Variants in DIP2C observed in about 807,000 individuals in gnomAD.
DIP2C encodes DIP2 acetate--CoA ligase C (putative), also known as disco-interacting protein 2 homolog C.
DIP2C carries 33 observed loss-of-function variants against 192.4 expected under a neutral mutation model. That is an observed-to-expected ratio of 0.17 (90% confidence interval 0.13 to 0.23). The LOEUF (loss-of-function observed/expected upper bound fraction) is 0.23, where lower values mean the gene tolerates loss of function less well. Ranked by LOEUF, DIP2C falls within the 10% of genes least tolerant of loss-of-function variation. The pLI, the probability that DIP2C is intolerant of heterozygous loss-of-function variation, is 1.00. For missense variants in DIP2C, 1,537 were observed against 2,110.1 expected (o/e 0.73, Z 5.32); for synonymous variants, 979 against 864.1 (o/e 1.13, Z -2.33).
At chr10:599,302 A>C (rs754656548) in intron 1 of DIP2C, among the ~76,000 whole-genome samples, 1 of 152,198 alleles carries the variant, frequency 6.6e-6, no homozygotes, top group Non-Finnish European at 1.5e-5. Context: ...ACCCGGCAAA[A>C]ACACGTTACA....
chr10:384,168 A>C, intron 15 of DIP2C, 22 bp from the exon 16 acceptor site: 1 of 1,610,354 alleles, frequency 6.2e-7, no homozygotes, highest in Non-Finnish European at 8.5e-7. Context: ...AATAGAAATA[A>C]GTTAACATGT....
intron 1 of DIP2C, among the ~76,000 whole-genome samples, chr10:559,409 C>T (rs1849080894): frequency 6.6e-6 from 1 of 152,024 alleles, no homozygotes; most frequent in African/African-American, 2.4e-5. Flanking sequence ...CCACAGGGGT[C>T]TTTTGTTGTT....
At chr10:457,466 T>G (rs1260070785) in intron 3 of DIP2C, among the ~76,000 whole-genome samples, 1 of 152,252 alleles carries the variant, frequency 6.6e-6, no homozygotes, top group Non-Finnish European at 1.5e-5. Flanking sequence ...CCCAATCCAA[T>G]GAAACCAATC....
chr10:523,783 C>T (rs1258428748), intron 1 of DIP2C, among the ~76,000 whole-genome samples: 6 of 143,756 alleles, frequency 4.2e-5, no homozygotes, highest in South Asian at 2.3e-4. Flanking sequence ...TTCCACCTGA[C>T]GCAAAGGACC....
chr10:356,362 C>T lies in DIP2C; in HGVS notation c.2985+64G>A, dbSNP rs768937184. 79 of 1,566,316 alleles carry T rather than the reference C, an allele frequency of 5.0e-5. 1 individual carries two copies. In the Admixed American group the frequency reaches 7.8e-4, roughly 16 times the overall value. On this transcript the variant is annotated intron_variant, in intron 24 of 36. Transcript: ENST00000280886. Reference sequence around the variant, plus strand: ...GGATTCAAAGAAAGAAGCAGGAGCGCTCCCAGGAACCAGGCTAGGCCCCTT... The same window carrying T: ...GGATTCAAAGAAAGAAGCAGGAGCGTTCCCAGGAACCAGGCTAGGCCCCTT...
intron 3 of DIP2C, among the ~76,000 whole-genome samples, chr10:453,008 C>T (rs7086242): frequency 0.16 from 23,692 of 152,172 alleles, 4,731 homozygotes; most frequent in African/African-American, 0.47. Context: ...AGAACAAAGA[C>T]GTTTACAGAG....
chr10:340,002 G>A (rs1958065415), intron 29 of DIP2C, among the ~76,000 whole-genome samples: 1 of 152,098 alleles, frequency 6.6e-6, no homozygotes, highest in Non-Finnish European at 1.5e-5. Context: ...CCAACATGGT[G>A]AAACCTTGTC....
In DIP2C at chr10:619,511, T is replaced by TGCCAGGGCCAGGGCCAGGGCCAGG. The variant is rs370197577; in HGVS notation, c.85+69982_85+69983insCCTGGCCCTGGCCCTGGCCCTGGC. On this transcript the variant is annotated intron_variant, in intron 1 of 36. Coordinates refer to ENST00000280886, the MANE Select transcript of DIP2C (RefSeq NM_014974.3). ...CAGAATATCGGGAGCACAGGCTTTA[T>TGCCAGGGCCAGGGCCAGGGCCAGG]GCCAGGGCCAGGACCAAGCCCGCCC... 1.1e-3 allele frequency among the ~76,000 whole-genome samples: 137 copies of TGCCAGGGCCAGGGCCAGGGCCAGG among 119,260 alleles called. 1 individual carries two copies. Among genetic ancestry groups the TGCCAGGGCCAGGGCCAGGGCCAGG allele is most frequent in the African/African-American group, 4.1e-3 (115 of 28,282 alleles). The allele number at this position is 119,260 out of a possible 152,430, so 78.2% of individuals were successfully genotyped here.
intron 15 of DIP2C, 135 bp downstream of exon 15, chr10:384,411 T>C (rs1962687474): frequency 3.1e-6 from 3 of 953,892 alleles, no homozygotes; most frequent in South Asian, 1.6e-5. Flanking sequence ...CTAATTTTTG[T>C]ATTATTAGTA....
intron 17 of DIP2C, among the ~76,000 whole-genome samples, chr10:377,141 GTTTT>G (rs5782549): frequency 2.9e-5 from 4 of 138,650 alleles, no homozygotes; most frequent in African/African-American, 5.3e-5. Flanking sequence ...GTGCAGCGCA[GTTTT>G]TTTTTTTTTT....
At chr10:565,972 G>GCA (rs903626665) in intron 1 of DIP2C, among the ~76,000 whole-genome samples, 4 of 152,204 alleles carry the variant, frequency 2.6e-5, no homozygotes, top group African/African-American at 4.8e-5. Flanking sequence ...GCTGGAGGCA[G>GCA]CACCTTGGAC....
intron 1 of DIP2C, among the ~76,000 whole-genome samples, chr10:564,514 G>T: frequency 6.6e-6 from 1 of 152,150 alleles, no homozygotes; most frequent in South Asian, 2.1e-4. Context: ...AGTAGCTGAG[G>T]GCCAAGCGCA....
intron 1 of DIP2C, among the ~76,000 whole-genome samples, chr10:617,573 C>T (rs1588614169): frequency 6.6e-6 from 1 of 152,258 alleles, no homozygotes; most frequent in East Asian, 1.9e-4. Context: ...ACTCCACCCA[C>T]CTCCCATTGC....
intron 4 of DIP2C, among the ~76,000 whole-genome samples, chr10:427,591 G>GACAA (rs375941894): frequency 3.4e-3 from 1 of 292 alleles, no homozygotes; most frequent in Non-Finnish European, 0.083. Context: ...AAAAAATCTG[G>GACAA]ACATTTTACC....
At chr10:308,729 GCCA>G (rs1956443250) in intron 32 of DIP2C, among the ~76,000 whole-genome samples, 1 of 152,206 alleles carries the variant, frequency 6.6e-6, no homozygotes, top group African/African-American at 2.4e-5. Flanking sequence ...CTCCTACGTG[GCCA>G]CCACTCTTCT....
intron 1 of DIP2C, among the ~76,000 whole-genome samples, chr10:624,207 G>A (rs1419147950): frequency 6.6e-6 from 1 of 152,226 alleles, no homozygotes; most frequent in Non-Finnish European, 1.5e-5. Context: ...GTCCCAAGCG[G>A]GGAAGGCCTG....
intron 4 of DIP2C, among the ~76,000 whole-genome samples, chr10:429,078 G>A (rs1482812820): frequency 2.0e-5 from 3 of 152,038 alleles, no homozygotes; most frequent in Admixed American, 6.5e-5. Flanking sequence ...GTTCACATCA[G>A]GGTTCATTCT....
At chr10:318,129 T>G (rs529387435) in intron 31 of DIP2C, among the ~76,000 whole-genome samples, 3 of 152,098 alleles carry the variant, frequency 2.0e-5, no homozygotes, top group African/African-American at 7.2e-5. Flanking sequence ...GAGAACACAG[T>G]GATGCTGGAT....
chr10:667,794 AAAAC>A (rs1857191904), intron 1 of DIP2C: 1 of 152,256 alleles, frequency 6.6e-6, no homozygotes, highest in African/African-American at 2.4e-5. Flanking sequence ...ACACTCATAC[AAAAC>A]AACATACACA....
Sources: gnomAD v4.1 joint callset for allele counts (sites outside exome capture counted in the v4.1 genomes callset) on GRCh38, gnomAD v4.1.1 for gene constraint, MANE v1.5 for transcripts, NCBI Gene and HGNC (gene_info 2026-07-23, HGNC 2026-07-21) for gene names.